Variants in SLFN12L observed in about 807,000 individuals in gnomAD.
The protein encoded by SLFN12L is schlafen family member 12-like.
In SLFN12L, 34 loss-of-function variants were observed where a neutral mutation model predicts 34.8. That is an observed-to-expected ratio of 0.98 (90% confidence interval 0.74 to 1.30). The LOEUF (loss-of-function observed/expected upper bound fraction) is 1.30. SLFN12L is among the 50% of genes most tolerant of loss of function. The pLI is 0.00. For missense variants in SLFN12L, 703 were observed against 696.2 expected, an observed-to-expected ratio of 1.01 and a Z score of -0.11; for synonymous variants, 259 against 247.5, an observed-to-expected ratio of 1.05 and a Z score of -0.44.
chr17:35,482,795 C>T (rs894094273), intron 2 of SLFN12L, among the ~76,000 whole-genome samples: 1 of 152,148 alleles, frequency 6.6e-6, no homozygotes, highest in Admixed American at 6.5e-5. Context: ...AGTAGGGCCA[C>T]ACCTTCAGGC....
Position 35,480,154 on chromosome 17 carries a change from A to G in SLFN12L, c.128T>C (p.Met43Thr), listed in dbSNP as rs763801914. 3 of 1,604,468 alleles carry G rather than the reference A, an allele frequency of 1.9e-6. No individual in the cohort carries two copies. The highest frequency in any genetic ancestry group is 1.7e-6 in the Non-Finnish European group (2 of 1,175,560). The change falls in exon 3 of 5, where the codon ATG (methionine) becomes ACG (threonine). Residue 43 changes from methionine to threonine, a missense_variant. By Grantham distance (81) the Met-to-Thr change is moderately conservative. Transcript: ENST00000628453. Reference sequence around the variant, plus strand: ...TGTGTCTAAATCAATACTGATGTTCATTTTCCCAGCAGCTAAGCCATTTCC... The same window carrying G: ...TGTGTCTAAATCAATACTGATGTTCGTTTTCCCAGCAGCTAAGCCATTTCC... Reference protein sequence around the residue: ...LRGNGLAAGKMNISIDLDTNY... With the variant: ...LRGNGLAAGKTNISIDLDTNY...
intron 2 of SLFN12L, among the ~76,000 whole-genome samples, chr17:35,516,550 G>C (rs967581635): frequency 6.6e-6 from 1 of 152,200 alleles, no homozygotes; most frequent in Non-Finnish European, 1.5e-5. Flanking sequence ...ATGTTCAGCA[G>C]TATCCCTGGC....
chr17:35,498,215 C>T (rs1915164660), intron 2 of SLFN12L: 1 of 760,714 alleles, frequency 1.3e-6, no homozygotes, highest in East Asian at 2.5e-5. Flanking sequence ...GATGTTCAGT[C>T]ATGAAATGAG....
chr17:35,516,143 T>A (rs952427155), intron 2 of SLFN12L, among the ~76,000 whole-genome samples: 1 of 152,224 alleles, frequency 6.6e-6, no homozygotes, highest in Non-Finnish European at 1.5e-5. Context: ...AGATAGTTTA[T>A]CTTTCTGAGG....
At chr17:35,535,962 A>ATGTTTGTTT (rs1169079239) in intron 1 of SLFN12L, among the ~76,000 whole-genome samples, 1 of 149,528 alleles carries the variant, frequency 6.7e-6, no homozygotes, top group Admixed American at 6.7e-5. Flanking sequence ...GGCCCTGGCT[A>ATGTTTGTTT]GTTTGTTTGT....
At chr17:35,498,541 A>G in intron 2 of SLFN12L, 2 of 1,341,926 alleles carry the variant, frequency 1.5e-6, no homozygotes, top group Non-Finnish European at 2.1e-6. Flanking sequence ...AGCCTGGTCC[A>G]GAACAGTCCA....
At chr17:35,525,630 A>C (rs1409559153) in intron 1 of SLFN12L, among the ~76,000 whole-genome samples, 1 of 152,212 alleles carries the variant, frequency 6.6e-6, no homozygotes, top group African/African-American at 2.4e-5. Context: ...AGTGAAGGAG[A>C]AATAAAATCC....
intron 2 of SLFN12L, chr17:35,487,820 C>G: frequency 1.4e-6 from 2 of 1,434,716 alleles, no homozygotes; most frequent in East Asian, 2.5e-5. Context: ...CGGCTAGCCC[C>G]TCGCTCAGCT....
chr17:35,534,684 C>G (rs2072442363), intron 1 of SLFN12L, among the ~76,000 whole-genome samples: 1 of 152,140 alleles, frequency 6.6e-6, no homozygotes, highest in African/African-American at 2.4e-5. Context: ...CCATCTCAAT[C>G]CAATGGATAA....
chr17:35,481,838 T>C (rs1914351390), intron 2 of SLFN12L, among the ~76,000 whole-genome samples: 1 of 152,154 alleles, frequency 6.6e-6, no homozygotes, highest in Admixed American at 6.5e-5. Context: ...TTTTTGTTTG[T>C]TTGTTTTGTT....
At chr17:35,497,494 G>A (rs1170672450) in intron 2 of SLFN12L, among the ~76,000 whole-genome samples, 1 of 152,122 alleles carries the variant, frequency 6.6e-6, no homozygotes, top group Non-Finnish European at 1.5e-5. Flanking sequence ...ACTGTCTGTA[G>A]TCCTAGCTAC....
chr17:35,514,434 T>A (rs1038148168), intron 2 of SLFN12L, among the ~76,000 whole-genome samples: 7 of 152,234 alleles, frequency 4.6e-5, no homozygotes, highest in African/African-American at 1.7e-4. Context: ...TCTCCTACAC[T>A]TTTCTGCCTA....
chr17:35,490,350 C>G, intron 2 of SLFN12L: 2 of 1,352,666 alleles, frequency 1.5e-6, no homozygotes, highest in South Asian at 2.3e-5. Flanking sequence ...TCAGAAAAAA[C>G]ACGGTACGAT....
At chr17:35,500,181 T>C (rs917170045) in intron 2 of SLFN12L, 1 of 152,228 alleles carries the variant, frequency 6.6e-6, no homozygotes, top group African/African-American at 2.4e-5. Flanking sequence ...GTCCAGTTAG[T>C]ATGGCCTTTG....
Position 35,467,662 on chromosome 17 carries a change from T to G in SLFN12L, c.*7261A>C, listed in dbSNP as rs865819258. Among the ~76,000 whole-genome samples the G allele has an allele frequency of 6.7e-6, 1 of 148,530 alleles. No homozygotes were observed. Among genetic ancestry groups the G allele is most frequent in the African/African-American group, 2.5e-5 (1 of 40,426 alleles). On this transcript the variant is annotated 3_prime_UTR_variant, in exon 5 of 5. Coordinates refer to ENST00000628453, the MANE Select transcript of SLFN12L (RefSeq NM_001363830.2). ...TTATCTTGCCCCAGGCCTTAACCTA[T>G]TTTTATAGATTTTCAATATCAAACC...
intron 4 of SLFN12L, among the ~76,000 whole-genome samples, chr17:35,477,247 G>T (rs947867789): frequency 2.0e-5 from 3 of 152,154 alleles, no homozygotes; most frequent in Admixed American, 2.0e-4. Flanking sequence ...AAATGAAATA[G>T]CCCCCTACAT....
chr17:35,477,428 G>C (rs1161888849), intron 4 of SLFN12L, among the ~76,000 whole-genome samples: 3 of 152,158 alleles, frequency 2.0e-5, no homozygotes, highest in Admixed American at 1.3e-4. Context: ...TGGCAAGTTT[G>C]ACTATATCCA....
intron 2 of SLFN12L, among the ~76,000 whole-genome samples, chr17:35,497,757 T>C (rs570863598): frequency 5.9e-5 from 9 of 152,356 alleles, no homozygotes; most frequent in Non-Finnish European, 1.0e-4. Flanking sequence ...TCAAAAGCAT[T>C]GTGTAAACCT....
rs529238557 is a variant in SLFN12L, at chr17:35,516,024, AC to A, written c.86+6254del. Among the ~76,000 whole-genome samples the A allele has an allele frequency of 1.1e-3, 162 of 151,872 alleles. 1 individual carries two copies. Among genetic ancestry groups the A allele is most frequent in the Non-Finnish European group, 1.8e-3 (121 of 67,928 alleles). On this transcript the variant is annotated intron_variant, in intron 2 of 4. Coordinates refer to ENST00000628453, the MANE Select transcript of SLFN12L (RefSeq NM_001363830.2). ...TATTTTTTCCCTGGGATTCTTAGAG[AC>A]CCCCTCTACTAGATTTATATAAACA...
Sources: allele counts gnomAD v4.1 joint callset (sites outside exome capture counted in the v4.1 genomes callset), GRCh38; gene constraint gnomAD v4.1.1; transcripts MANE v1.5; gene names NCBI Gene and HGNC (gene_info 2026-07-23, HGNC 2026-07-21).